ADGRF1: variants seen among roughly 807,000 people sequenced by gnomAD.
ADGRF1 encodes G protein-coupled receptor 110.
ADGRF1 carries 85 observed loss-of-function variants against 87.2 expected under a neutral mutation model. The ratio of observed to expected loss-of-function variants is 0.97; its 90% CI spans 0.82 to 1.17. The LOEUF is 1.17. Among genes scored for constraint, ADGRF1 ranks in the 50% most tolerant of loss-of-function variants. ADGRF1 has a pLI of 0.00. For synonymous variants in ADGRF1, 430 were observed against 408.8 expected (o/e 1.05, Z -0.63); for missense variants, 1,169 against 1,077.2 (o/e 1.09, Z -1.19).
chr6:47,014,560 C>T (rs188575895), intron 9 of ADGRF1, 121 bp downstream of exon 9: 2 of 1,490,748 alleles, frequency 1.3e-6, no homozygotes, highest in African/African-American at 1.4e-5. Flanking sequence ...CATCCTTGCT[C>T]TTTGCATACT....
At chr6:47,014,557 G>T in intron 9 of ADGRF1, 124 bp downstream of exon 9, 26 of 1,481,966 alleles carry the variant, frequency 1.8e-5, no homozygotes, top group Non-Finnish European at 2.3e-5. Flanking sequence ...TGTCATCCTT[G>T]CTCTTTGCAT....
intron 9 of ADGRF1, chr6:47,014,328 C>T (rs892255855): frequency 5.9e-6 from 6 of 1,021,156 alleles, no homozygotes; most frequent in Non-Finnish European, 7.0e-6. Flanking sequence ...TTATGACTCA[C>T]ACCTTCACTC....
intron 13 of ADGRF1, among the ~76,000 whole-genome samples, chr6:47,003,089 T>C (rs1283151082): frequency 3.4e-5 from 5 of 145,622 alleles, no homozygotes; most frequent in Non-Finnish European, 7.5e-5. Flanking sequence ...ACTGAATGGA[T>C]CCCCCCTCTC....
At chr6:47,005,606 T>C (rs1779502693) in intron 13 of ADGRF1, among the ~76,000 whole-genome samples, 1 of 152,228 alleles carries the variant, frequency 6.6e-6, no homozygotes, top group Admixed American at 6.5e-5. Context: ...TAAGTTTCCA[T>C]GACTTCACAG....
In ADGRF1 at chr6:46,999,141, G is replaced by A. The variant is rs1022895464; in HGVS notation, c.*1081C>T. On this transcript the variant is annotated 3_prime_UTR_variant, in exon 15 of 15. Transcript: ENST00000371253. ...TGTGATGGAAGTATGGAAGAGAAGT[G>A]TTGCTTCACATAGCGTCAACTCCTG... The A allele has an allele frequency of 8.5e-5, 13 of 152,348 alleles. No homozygotes were observed. The highest frequency in any genetic ancestry group is 3.1e-4 in the African/African-American group (13 of 41,584). The allele number at this position is 152,348 out of a possible 1,614,324, so 9.4% of individuals were successfully genotyped here. A position where few individuals can be genotyped will look rare whatever the true frequency, so the allele number is the denominator to read the frequency against.
intron 1 of ADGRF1, among the ~76,000 whole-genome samples, chr6:47,037,346 T>C (rs1053886462): frequency 2.6e-5 from 4 of 152,250 alleles, no homozygotes; most frequent in Non-Finnish European, 5.9e-5. Context: ...AATTGTGTTT[T>C]AGGAACTCTT....
intron 6 of ADGRF1, 123 bp from the exon 7 acceptor site, chr6:47,020,912 C>T (rs1226493): frequency 0.34 from 244,245 of 723,424 alleles, 46,734 homozygotes; most frequent in African/African-American, 0.67. Flanking sequence ...AGAAAAGAGA[C>T]ACAGTGGGAA....
At chr6:47,035,973 G>A (rs750255473) in intron 1 of ADGRF1, among the ~76,000 whole-genome samples, 9 of 152,304 alleles carry the variant, frequency 5.9e-5, no homozygotes, top group Non-Finnish European at 1.3e-4. Flanking sequence ...GCTCAAGCCT[G>A]TAATCCCAGC....
At chr6:47,029,827 G>A (rs1225590399) in intron 1 of ADGRF1, among the ~76,000 whole-genome samples, 2 of 152,196 alleles carry the variant, frequency 1.3e-5, no homozygotes, top group Non-Finnish European at 2.9e-5. Context: ...CACATTTCCA[G>A]TGCTCAGGGG....
rs140644836 is a variant in ADGRF1, at chr6:47,029,607, G to T, written c.-43-503C>A. On this transcript the variant is annotated intron_variant, in intron 1 of 14. Transcript: ENST00000371253. ...GCAAAAAGATGTCCTCGAGTTTATGGTTATCTCAAATAATTTAGATAAAAC... is the reference window on the plus strand; with the variant it reads ...GCAAAAAGATGTCCTCGAGTTTATGTTTATCTCAAATAATTTAGATAAAAC... Among the ~76,000 whole-genome samples, 279 of 152,142 alleles carry T rather than the reference G, an allele frequency of 1.8e-3. 1 individual carries two copies. Among genetic ancestry groups the T allele is most frequent in the African/African-American group, 6.1e-3 (254 of 41,508 alleles).
chr6:47,026,016 A>G lies in ADGRF1; in HGVS notation c.128-13T>C. On this transcript the variant is annotated splice_polypyrimidine_tract_variant and intron_variant, in intron 3 of 14. Coordinates refer to ENST00000371253, the MANE Select transcript of ADGRF1 (RefSeq NM_153840.4). ...TCTTCGACTGGGCCTAAAGAGAGAA[A>G]GAGAGTCAGAAACCTTTTTTTCTGT... is the stretch of plus-strand genomic sequence containing the variant. 1 of 1,534,618 alleles carries G rather than the reference A, an allele frequency of 6.5e-7. No individual in the cohort carries two copies. The highest frequency in any genetic ancestry group is 8.7e-7 in the Non-Finnish European group (1 of 1,149,596).
At chr6:47,026,055 A>G (rs1780223051) in intron 3 of ADGRF1, 52 bp from the exon 4 acceptor site, 2 of 1,463,004 alleles carry the variant, frequency 1.4e-6, no homozygotes, top group African/African-American at 2.8e-5. Context: ...TGGGGAAAAT[A>G]TTGCTGAGGA....
intron 5 of ADGRF1, among the ~76,000 whole-genome samples, chr6:47,023,365 A>G (rs1390767872): frequency 2.0e-5 from 3 of 152,198 alleles, no homozygotes; most frequent in Non-Finnish European, 4.4e-5. Context: ...GGGCTATTTC[A>G]GGCTCACTCT....
chr6:47,029,161 A>G (rs1156785904), intron 1 of ADGRF1, 57 bp from the exon 2 acceptor site: 1 of 935,064 alleles, frequency 1.1e-6, no homozygotes, highest in African/African-American at 1.6e-5. Flanking sequence ...ATTCAAGCCA[A>G]AATGTAAAAA....
chr6:47,016,596 A>G, intron 8 of ADGRF1, 21 bp downstream of exon 8: 3 of 1,576,900 alleles, frequency 1.9e-6, no homozygotes, highest in Non-Finnish European at 2.6e-6. Context: ...ACCTAAGCAG[A>G]GGATGGGAAT....
chr6:47,020,483 G>A lies in ADGRF1; in HGVS notation c.611+248C>T, dbSNP rs187086967. The A allele has an allele frequency of 2.8e-5, 40 of 1,454,442 alleles. No homozygotes were observed. In the African/African-American group the frequency reaches 3.4e-4, roughly 12 times the overall value. The allele number at this position is 1,454,442 out of a possible 1,614,324, so 90.1% of individuals were successfully genotyped here. ...TGTGCCATTGCACTCCAACTTGGGC[G>A]ACAAGAGTGACATTCTGTCAAAAAA... is the stretch of plus-strand genomic sequence containing the variant. On this transcript the variant is annotated intron_variant, in intron 7 of 14. Coordinates refer to ENST00000371253, the MANE Select transcript of ADGRF1 (RefSeq NM_153840.4).
intron 11 of ADGRF1, among the ~76,000 whole-genome samples, 185 bp from the exon 12 acceptor site, chr6:47,007,479 A>G (rs1258566770): frequency 6.6e-6 from 1 of 152,236 alleles, no homozygotes; most frequent in African/African-American, 2.4e-5. Context: ...GGCACTATGC[A>G]AAGCACTCAA....
intron 1 of ADGRF1, among the ~76,000 whole-genome samples, chr6:47,031,510 C>T (rs908351463): frequency 1.3e-5 from 2 of 152,076 alleles, no homozygotes; most frequent in Non-Finnish European, 1.5e-5. Flanking sequence ...CCTCTTTATT[C>T]CCTCTTCTCC....
chr6:47,013,145 C>T (rs1355318914), intron 9 of ADGRF1: 1 of 985,440 alleles, frequency 1.0e-6, no homozygotes. Flanking sequence ...TGGAAAGCAG[C>T]AAAGGAAGGC....
Sources: allele counts gnomAD v4.1 joint callset (sites outside exome capture counted in the v4.1 genomes callset), GRCh38; gene constraint gnomAD v4.1.1; transcripts MANE v1.5; gene names NCBI Gene and HGNC (gene_info 2026-07-23, HGNC 2026-07-21).